CDC42BPB: variants seen among roughly 807,000 people sequenced by gnomAD.
CDC42BPB encodes serine/threonine-protein kinase MRCK beta.
CDC42BPB carries 37 observed loss-of-function variants against 214.9 expected under a neutral mutation model. The observed-to-expected ratio is 0.17, with a 90% CI of 0.13 to 0.23. The LOEUF (loss-of-function observed/expected upper bound fraction) is 0.23, where lower values mean the gene tolerates loss of function less well. Among genes scored for constraint, CDC42BPB ranks in the 10% least tolerant of loss-of-function variants. The pLI, the probability that CDC42BPB is intolerant of heterozygous loss-of-function variation, is 1.00. For missense variants in CDC42BPB, 1,694 were observed against 2,227.0 expected, an observed-to-expected ratio of 0.76 and a Z score of 4.82; for synonymous variants, 931 against 884.0, an observed-to-expected ratio of 1.05 and a Z score of -0.94.
intron 9 of CDC42BPB, 83 bp downstream of exon 9, chr14:102,978,043 C>T (rs1009758399): frequency 1.8e-5 from 20 of 1,084,172 alleles, no homozygotes; most frequent in Admixed American, 7.0e-5. Context: ...CACTAGCCCG[C>T]CCCCAGGGAC....
chr14:102,938,851 C>T (rs1183122643), intron 34 of CDC42BPB, among the ~76,000 whole-genome samples: 1 of 152,076 alleles, frequency 6.6e-6, no homozygotes, highest in African/African-American at 2.4e-5. Context: ...TGGTCTCAAA[C>T]TCCTGACCTC....
chr14:103,032,535 C>CAAA (rs570009408), intron 1 of CDC42BPB, among the ~76,000 whole-genome samples: 12 of 44,962 alleles, frequency 2.7e-4, no homozygotes, highest in East Asian at 7.4e-4. Context: ...AAATAAACTG[C>CAAA]AAAAAAAAAA....
At position 102,939,701 on chromosome 14, in the gene CDC42BPB, C is replaced by T. The variant is rs1264728476; in HGVS notation, c.4736G>A (p.Arg1579Lys). The change falls in exon 34 of 37, where the codon AGA (arginine) becomes AAA (lysine). Residue 1579 changes from arginine to lysine, a missense_variant. Around this residue, in one of 7 missense-constraint regions of CDC42BPB, gnomAD observed 567 missense variants for 790.3 expected, o/e 0.72. Coordinates refer to ENST00000361246, the MANE Select transcript of CDC42BPB (RefSeq NM_006035.4). The stretch of plus-strand genomic sequence containing the variant: ...GGTTGGGTTGGATATCATTTTGGAT[C>T]TCAATTCTGGGTCTCTAAGCATCTC... ...RREMLRDPELRSKMISNPTNF... is the reference protein window; with the variant it reads ...RREMLRDPELKSKMISNPTNF... The T allele has an allele frequency of 6.2e-7, 1 of 1,614,206 alleles. No homozygotes were observed.
At chr14:102,998,103 G>A (rs2139587886) in intron 5 of CDC42BPB, among the ~76,000 whole-genome samples, 1 of 152,286 alleles carries the variant, frequency 6.6e-6, no homozygotes, top group African/African-American at 2.4e-5. Context: ...CTCCAGCCTG[G>A]GTGGCAGAGC....
At chr14:102,951,553 C>A (rs1412933704) in intron 24 of CDC42BPB, among the ~76,000 whole-genome samples, 1 of 152,126 alleles carries the variant, frequency 6.6e-6, no homozygotes, top group African/African-American at 2.4e-5. Context: ...CTTTGGGAGG[C>A]CGAGGCAGGT....
At chr14:102,939,524 T>A in intron 34 of CDC42BPB, 86 bp downstream of exon 34, 1 of 965,578 alleles carries the variant, frequency 1.0e-6, no homozygotes, top group East Asian at 2.4e-5. Flanking sequence ...GGCACTGCCT[T>A]TGGGACAGTC....
rs995727804 is a variant in CDC42BPB, at chr14:102,939,528, GAC to G, written c.4827+80_4827+81del. ...CCAGCCTCGCAGGCACTGCCTTTGG[GAC>G]AGTCTCAGCCAGCATGGCTGCCTGA... is the stretch of plus-strand genomic sequence containing the variant. On this transcript the variant is annotated intron_variant, in intron 34 of 36. Transcript: ENST00000361246. 1.4e-5 allele frequency: 14 copies of G among 1,006,942 alleles called. No individual in the cohort carries two copies. In the African/African-American group the frequency reaches 1.9e-4, roughly 14 times the overall value. 62.4% of individuals were successfully genotyped at this position (1,006,942 alleles called of 1,614,324 possible). A position where few individuals can be genotyped will look rare whatever the true frequency, so the allele number is the denominator to read the frequency against.
At chr14:102,976,385 C>G (rs1405657767) in intron 9 of CDC42BPB, among the ~76,000 whole-genome samples, 3 of 152,260 alleles carry the variant, frequency 2.0e-5, no homozygotes, top group Non-Finnish European at 4.4e-5. Context: ...CCCAGCTCGT[C>G]TGCAGGTCAG....
At position 102,938,380 on chromosome 14, in the gene CDC42BPB, G is replaced by A. The variant is rs138830696; in HGVS notation, c.4859C>T (p.Pro1620Leu). Residue 1620 changes from proline (P) to leucine (L), a missense_variant, in exon 35 of 37, where the codon CCG (proline) becomes CTG (leucine). Physicochemically the swap from Pro to Leu is moderately conservative, Grantham distance 98. This residue lies in a region of CDC42BPB where 146 missense variants were observed against 134.1 expected (regional missense o/e 1.09). Transcript: ENST00000361246. ...SAVPPSQEER[P>L]GPAPTNLARQ... Reference sequence around the variant, plus strand: ...AGCCAGGTTGGTGGGAGCGGGGCCCGGCCTTTCCTCCTGGGAGGGGGGCAC... The same window carrying A: ...AGCCAGGTTGGTGGGAGCGGGGCCCAGCCTTTCCTCCTGGGAGGGGGGCAC... 1.0e-5 allele frequency: 16 copies of A among 1,561,038 alleles called. No homozygotes were observed. Among genetic ancestry groups the A allele is most frequent in the Middle Eastern group, 1.8e-4 (1 of 5,622 alleles).
At chr14:103,008,609 C>G (rs2139629259) in intron 2 of CDC42BPB, 54 bp from the exon 3 acceptor site, 2 of 1,589,854 alleles carry the variant, frequency 1.3e-6, no homozygotes, top group South Asian at 1.1e-5. Flanking sequence ...AAAAGGCTAG[C>G]ACGCTGGAGC....
chr14:102,996,006 C>A (rs1894712831), intron 5 of CDC42BPB, among the ~76,000 whole-genome samples: 1 of 152,202 alleles, frequency 6.6e-6, no homozygotes, highest in Non-Finnish European at 1.5e-5. Flanking sequence ...ATTTTGATGT[C>A]TACTATGCCC....
intron 4 of CDC42BPB, among the ~76,000 whole-genome samples, chr14:103,002,467 GAAACA>G (rs1418345081): frequency 1.3e-5 from 2 of 152,142 alleles, no homozygotes; most frequent in Non-Finnish European, 2.9e-5. Flanking sequence ...AAAAATATTA[GAAACA>G]AAACAAGCAT....
intron 5 of CDC42BPB, among the ~76,000 whole-genome samples, chr14:102,994,354 CAT>C (rs771392842): frequency 2.7e-5 from 4 of 150,710 alleles, no homozygotes; most frequent in South Asian, 4.3e-4. Flanking sequence ...GTATTTAAAA[CAT>C]GTGGTGGTGG....
intron 9 of CDC42BPB, among the ~76,000 whole-genome samples, chr14:102,977,913 T>C (rs909254716): frequency 1.4e-4 from 21 of 152,164 alleles, no homozygotes; most frequent in African/African-American, 4.6e-4. Context: ...TGGATATCTG[T>C]AGAGAAAAAG....
intron 1 of CDC42BPB, among the ~76,000 whole-genome samples, chr14:103,017,620 CA>C (rs1304956809): frequency 2.6e-5 from 4 of 152,060 alleles, no homozygotes; most frequent in Non-Finnish European, 4.4e-5. Context: ...ATCCACAACC[CA>C]AATCCAACCA....
intron 26 of CDC42BPB, among the ~76,000 whole-genome samples, chr14:102,949,542 C>T (rs781718057): frequency 1.3e-4 from 20 of 152,164 alleles, no homozygotes; most frequent in Admixed American, 2.6e-4. Context: ...GAAGCGTCTA[C>T]AGCGCTCCCG....
In CDC42BPB at chr14:102,941,105, G is replaced by A. The variant is rs1392579774; in HGVS notation, c.4409-781C>T. The A allele has an allele frequency of 9.1e-6, 9 of 983,958 alleles. No homozygotes were observed. In the South Asian group the frequency reaches 1.4e-4, roughly 15 times the overall value. The allele number at this position is 983,958 out of a possible 1,614,324, so 61.0% of individuals were successfully genotyped here. On this transcript the variant is annotated intron_variant, in intron 30 of 36. Transcript: ENST00000361246. ...CAGCTGTGCCACACGACAAGGGAGC[G>A]GTGTGCGTCTTCCGCTCAGTCCCTC...
intron 1 of CDC42BPB, among the ~76,000 whole-genome samples, chr14:103,050,756 T>A (rs1314227398): frequency 6.9e-6 from 1 of 144,710 alleles, no homozygotes; most frequent in African/African-American, 2.5e-5. Flanking sequence ...GACCCTGTCT[T>A]GGGGGGAAAA....
intron 26 of CDC42BPB, 63 bp downstream of exon 26, chr14:102,949,702 C>T: frequency 6.2e-7 from 1 of 1,603,294 alleles, no homozygotes; most frequent in South Asian, 1.1e-5. Flanking sequence ...ACACACCGTC[C>T]TTTTGGCTAA....
Sources: gnomAD v4.1 joint callset for allele counts (sites outside exome capture counted in the v4.1 genomes callset) on GRCh38, gnomAD v4.1.1 for gene constraint, gnomAD v4.1.1 regional missense constraint, MANE v1.5 for transcripts, NCBI Gene and HGNC (gene_info 2026-07-23, HGNC 2026-07-21) for gene names.